Variants in SEMA3D observed in about 807,000 individuals in gnomAD.
SEMA3D encodes the protein semaphorin 3D.
Under a neutral mutation model 100.1 loss-of-function variants are expected in SEMA3D, and 84 were observed. The observed-to-expected ratio is 0.84, with a 90% CI of 0.70 to 1.01. The LOEUF (loss-of-function observed/expected upper bound fraction) is 1.01. SEMA3D is among the 50% of genes least tolerant of loss of function. SEMA3D has a pLI of 0.00. For missense variants in SEMA3D, 875 were observed against 934.1 expected (o/e 0.94, Z 0.82); for synonymous variants, 312 against 320.7 (o/e 0.97, Z 0.29).
intron 1 of SEMA3D, among the ~76,000 whole-genome samples, chr7:85,179,851 T>G (rs2429689): frequency 1.3e-5 from 2 of 151,724 alleles, no homozygotes; most frequent in African/African-American, 2.4e-5. Flanking sequence ...TTAGTAGAGA[T>G]GGGGTTTCAC....
rs1237783518 is a variant in SEMA3D, at chr7:84,999,630, T to C, written c.2144A>G (p.Asp715Gly). 1.9e-6 allele frequency: 3 copies of C among 1,613,958 alleles called. No individual in the cohort carries two copies. Among genetic ancestry groups the C allele is most frequent in the African/African-American group, 1.3e-5 (1 of 74,918 alleles). Reference protein sequence around the residue: ...LLAESRLRYKDYIQILSSPNF... With the variant: ...LLAESRLRYKGYIQILSSPNF... ...TGGGCTGCTAAGGATTTGGATGTAGTCTTTGTATCTCAACCGTGACTCAGC... is the reference window on the plus strand; with the variant it reads ...TGGGCTGCTAAGGATTTGGATGTAGCCTTTGTATCTCAACCGTGACTCAGC... Residue 715 changes from aspartate (D) to glycine (G), a missense_variant, in exon 19 of 19, where the codon GAC becomes GGC. Coordinates refer to ENST00000284136, the MANE Select transcript of SEMA3D (RefSeq NM_001384900.1).
chr7:85,011,541 C>T (rs1789953250), intron 17 of SEMA3D, among the ~76,000 whole-genome samples: 1 of 151,752 alleles, frequency 6.6e-6, no homozygotes, highest in Admixed American at 6.6e-5. Flanking sequence ...CTCTCTCCCC[C>T]AACACACTCT....
chr7:85,179,090 G>A (rs1284402127), intron 1 of SEMA3D, among the ~76,000 whole-genome samples: 1 of 152,238 alleles, frequency 6.6e-6, no homozygotes, highest in Non-Finnish European at 1.5e-5. Context: ...CCTGGCAGAA[G>A]TCTGCTGCAG....
intron 8 of SEMA3D, among the ~76,000 whole-genome samples, chr7:85,058,219 T>C (rs1159188738): frequency 1.3e-5 from 2 of 152,104 alleles, no homozygotes; most frequent in Non-Finnish European, 2.9e-5. Context: ...TTTTCAAAAA[T>C]ATATAAAAAT....
intron 2 of SEMA3D, among the ~76,000 whole-genome samples, chr7:85,138,460 T>G (rs1206916098): frequency 6.6e-6 from 1 of 151,740 alleles, no homozygotes; most frequent in African/African-American, 2.4e-5. Flanking sequence ...GGCTAATTTT[T>G]GTGTACTTTA....
At chr7:85,042,658 A>C (rs1318892219) in intron 9 of SEMA3D, among the ~76,000 whole-genome samples, 1 of 152,100 alleles carries the variant, frequency 6.6e-6, no homozygotes, top group Non-Finnish European at 1.5e-5. Context: ...ATCTCTTGAA[A>C]TACGGTTAGT....
At position 85,036,895 on chromosome 7, in the gene SEMA3D, A is replaced by G. The variant is rs1790712852; in HGVS notation, c.1185T>C (p.Pro395=). 1.2e-6 allele frequency: 2 copies of G among 1,612,706 alleles called. No individual in the cohort carries two copies. The highest frequency in any genetic ancestry group is 2.2e-5 in the South Asian group (2 of 90,984). ...QYDGRIPYPR[P]GTCPSKTYDP... The stretch of plus-strand genomic sequence containing the variant: ...TATTAAGTTGGATACATACTGTACC[A>G]GGCCGTGGATAAGGAATTCTCCCAT... The change falls in exon 12 of 19, where the codon CCT becomes CCC. Residue 395 remains proline, a synonymous_variant. Coordinates refer to ENST00000284136, the MANE Select transcript of SEMA3D (RefSeq NM_001384900.1).
chr7:85,249,963 C>T, the SEMA3D span, among the ~76,000 whole-genome samples: 9 of 152,266 alleles, frequency 5.9e-5, no homozygotes, highest in Middle Eastern at 3.4e-3. Flanking sequence ...GTACCGGGTT[C>T]ATCTCACTAG....
chr7:85,220,078 A>T, the SEMA3D span, among the ~76,000 whole-genome samples: 3 of 152,080 alleles, frequency 2.0e-5, no homozygotes, highest in African/African-American at 7.2e-5. Flanking sequence ...TCCTAACTGT[A>T]ATAATAAAAA....
chr7:85,112,458 G>T (rs193224427), intron 3 of SEMA3D, among the ~76,000 whole-genome samples: 29 of 152,232 alleles, frequency 1.9e-4, no homozygotes, highest in Admixed American at 1.8e-3. Context: ...AAAATAGCTT[G>T]CTGCTAAAGA....
At chr7:85,222,391 T>C in the SEMA3D span, among the ~76,000 whole-genome samples, 1 of 152,126 alleles carries the variant, frequency 6.6e-6, no homozygotes, top group Admixed American at 6.6e-5. Flanking sequence ...TAAAAGACTA[T>C]AAAACACTAT....
chr7:85,091,610 G>A (rs1393933450), intron 4 of SEMA3D, among the ~76,000 whole-genome samples: 1 of 151,840 alleles, frequency 6.6e-6, no homozygotes. Context: ...TTATTACTAG[G>A]ACTACTTAAG....
intron 12 of SEMA3D, chr7:85,028,380 TAGAC>T: frequency 5.2e-6 from 2 of 383,650 alleles, no homozygotes; most frequent in Non-Finnish European, 4.3e-6. Flanking sequence ...GCTTACAGTT[TAGAC>T]AAAAAAAAAA....
At chr7:85,247,682 A>G in the SEMA3D span, among the ~76,000 whole-genome samples, 1 of 152,132 alleles carries the variant, frequency 6.6e-6, no homozygotes, top group Non-Finnish European at 1.5e-5. Flanking sequence ...GCAACGTAAC[A>G]TTGGCTAAAG....
At chr7:85,241,069 T>C in the SEMA3D span, among the ~76,000 whole-genome samples, 1 of 152,010 alleles carries the variant, frequency 6.6e-6, no homozygotes, top group Non-Finnish European at 1.5e-5. Context: ...GAAAAAATGC[T>C]CAACATCACT....
intron 2 of SEMA3D, chr7:85,140,660 G>C (rs1013499260): frequency 1.0e-6 from 1 of 975,494 alleles, no homozygotes; most frequent in Non-Finnish European, 1.2e-6. Flanking sequence ...TGCAAGACAC[G>C]AACACATTAT....
intron 2 of SEMA3D, among the ~76,000 whole-genome samples, chr7:85,145,809 A>G (rs2191485): frequency 0.59 from 89,272 of 151,948 alleles, 27,822 homozygotes; most frequent in African/African-American, 0.81. Context: ...ATCTGCTGAT[A>G]CTCAAGTCTC....
intron 2 of SEMA3D, chr7:85,151,702 T>G (rs1262389085): frequency 1.0e-6 from 1 of 980,788 alleles, no homozygotes; most frequent in African/African-American, 1.8e-5. Context: ...CAAAGCATCT[T>G]GTACTGGTAG....
At chr7:85,156,601 T>C (rs1790604678) in intron 1 of SEMA3D, among the ~76,000 whole-genome samples, 1 of 152,182 alleles carries the variant, frequency 6.6e-6, no homozygotes, top group South Asian at 2.1e-4. Context: ...ATTTTAAGAA[T>C]TTATCCTAAT....
Sources: gnomAD v4.1 joint callset for allele counts (sites outside exome capture counted in the v4.1 genomes callset) on GRCh38, gnomAD v4.1.1 for gene constraint, MANE v1.5 for transcripts, NCBI Gene and HGNC (gene_info 2026-07-23, HGNC 2026-07-21) for gene names.